The following CFAP299 variants were observed in gnomAD, a reference collection of about 807,000 sequenced individuals.
CFAP299 encodes cilia- and flagella-associated protein 299.
A neutral mutation model predicts 27.0 loss-of-function variants in CFAP299; 21 were observed. The ratio of observed to expected loss-of-function variants is 0.78; its 90% CI spans 0.55 to 1.12. CFAP299 has a LOEUF of 1.12. Ranked by LOEUF, CFAP299 falls within the 50% of genes most tolerant of loss-of-function variation. The pLI is 0.00. For synonymous variants in CFAP299, 104 were observed against 98.1 expected, an observed-to-expected ratio of 1.06 and a Z score of -0.36; for missense variants, 310 against 276.6, an observed-to-expected ratio of 1.12 and a Z score of -0.86.
intron 3 of CFAP299, among the ~76,000 whole-genome samples, chr4:80,715,627 C>T (rs1722435149): frequency 6.6e-6 from 1 of 151,920 alleles, no homozygotes; most frequent in African/African-American, 2.4e-5. Flanking sequence ...ATGGCATATG[C>T]TTTTTAGAAA....
intron 2 of CFAP299, among the ~76,000 whole-genome samples, chr4:80,550,699 G>A (rs62303535): frequency 6.6e-6 from 1 of 151,596 alleles, no homozygotes; most frequent in Non-Finnish European, 1.5e-5. Context: ...GTGATTCAGG[G>A]AGTAGCTATA....
At chr4:80,477,197 G>T (rs1228256681) in intron 2 of CFAP299, among the ~76,000 whole-genome samples, 1 of 152,026 alleles carries the variant, frequency 6.6e-6, no homozygotes, top group Non-Finnish European at 1.5e-5. Flanking sequence ...AAGTAGTTGG[G>T]ACTACAGGCA....
At chr4:80,664,332 G>T (rs1166493222) in intron 3 of CFAP299, among the ~76,000 whole-genome samples, 1 of 152,114 alleles carries the variant, frequency 6.6e-6, no homozygotes, top group Non-Finnish European at 1.5e-5. Context: ...TGCTGAAGCT[G>T]CACCCATGGA....
At position 80,586,172 on chromosome 4, in the gene CFAP299, A is replaced by G. The variant is rs1736426993; in HGVS notation, c.333+2989A>G. Reference sequence around the variant, plus strand: ...TTCTTTGTAAGGTGGGAATTAAAAGAGTAACCTCATCTTAATATTTATTAT... The same window carrying G: ...TTCTTTGTAAGGTGGGAATTAAAAGGGTAACCTCATCTTAATATTTATTAT... On this transcript the variant is annotated intron_variant, in intron 3 of 5. Coordinates refer to ENST00000358105, the MANE Select transcript of CFAP299 (RefSeq NM_152770.3). Among the ~76,000 whole-genome samples, 3 of 152,242 alleles carry G rather than the reference A, an allele frequency of 2.0e-5. No homozygotes were observed. The South Asian group carries it at 6.2e-4, about 32-fold the overall frequency.
chr4:80,524,109 A>T (rs1733054097), intron 2 of CFAP299, among the ~76,000 whole-genome samples: 1 of 152,166 alleles, frequency 6.6e-6, no homozygotes, highest in Admixed American at 6.6e-5. Context: ...TGAAGTACTC[A>T]AACTTTATAT....
At chr4:80,470,117 G>A (rs754709142) in intron 2 of CFAP299, among the ~76,000 whole-genome samples, 4 of 152,040 alleles carry the variant, frequency 2.6e-5, no homozygotes, top group Non-Finnish European at 4.4e-5. Flanking sequence ...GTACCACAGA[G>A]TAGTGAAGAA....
intron 3 of CFAP299, among the ~76,000 whole-genome samples, chr4:80,676,036 A>G (rs1230067784): frequency 6.6e-6 from 1 of 151,002 alleles, no homozygotes; most frequent in Non-Finnish European, 1.5e-5. Context: ...CTCACCCTCC[A>G]TGGGCTGCAC....
intron 3 of CFAP299, among the ~76,000 whole-genome samples, chr4:80,740,818 A>G (rs999304019): frequency 1.3e-5 from 2 of 152,030 alleles, no homozygotes; most frequent in Non-Finnish European, 2.9e-5. Flanking sequence ...CCTGGTGGTC[A>G]TTACCACCAC....
chr4:80,920,799 G>A (rs913259651), intron 4 of CFAP299, among the ~76,000 whole-genome samples: 1 of 151,950 alleles, frequency 6.6e-6, no homozygotes, highest in Non-Finnish European at 1.5e-5. Flanking sequence ...GTTCAGATGT[G>A]GATAAAGTAA....
At chr4:80,643,046 C>T (rs748574510) in intron 3 of CFAP299, among the ~76,000 whole-genome samples, 3 of 151,542 alleles carry the variant, frequency 2.0e-5, no homozygotes. Flanking sequence ...CCTGTAATCC[C>T]AGCACTTTGG....
At chr4:80,523,549 A>G (rs1733023894) in intron 2 of CFAP299, among the ~76,000 whole-genome samples, 1 of 152,128 alleles carries the variant, frequency 6.6e-6, no homozygotes, top group African/African-American at 2.4e-5. Flanking sequence ...CAGTAGACTC[A>G]GTAAGGAAGA....
At chr4:80,739,912 T>A (rs916775667) in intron 3 of CFAP299, among the ~76,000 whole-genome samples, 25 of 152,212 alleles carry the variant, frequency 1.6e-4, no homozygotes, top group Admixed American at 1.5e-3. Context: ...ATTCAAGCTA[T>A]TTTTCTCTTC....
At chr4:80,566,775 T>C (rs1735314059) in intron 2 of CFAP299, among the ~76,000 whole-genome samples, 1 of 152,106 alleles carries the variant, frequency 6.6e-6, no homozygotes, top group African/African-American at 2.4e-5. Context: ...ATAAAAGATG[T>C]AGCTGCCTCC....
intron 3 of CFAP299, among the ~76,000 whole-genome samples, chr4:80,643,968 T>C (rs1454435497): frequency 6.6e-6 from 1 of 152,214 alleles, no homozygotes; most frequent in Non-Finnish European, 1.5e-5. Flanking sequence ...TTCTACATTA[T>C]GTGAATTCTA....
intron 2 of CFAP299, among the ~76,000 whole-genome samples, chr4:80,551,385 G>T (rs1413652095): frequency 6.6e-6 from 1 of 152,052 alleles, no homozygotes; most frequent in Non-Finnish European, 1.5e-5. Flanking sequence ...ATTGTTTCTT[G>T]TAAAGGATAG....
At position 80,873,443 on chromosome 4, in the gene CFAP299, T is replaced by C. The variant is rs557981310; in HGVS notation, c.476+3308T>C. Among the ~76,000 whole-genome samples the C allele has an allele frequency of 3.3e-5, 5 of 152,296 alleles. No homozygotes were observed. The South Asian group carries it at 1.0e-3, about 32-fold the overall frequency. ...TTTTCAATTCAGCTTCCATCTTAACTATGTCTTTAAGATTCAGTACTTTCT... is the reference window on the plus strand; with the variant it reads ...TTTTCAATTCAGCTTCCATCTTAACCATGTCTTTAAGATTCAGTACTTTCT... On this transcript the variant is annotated intron_variant, in intron 4 of 5. Coordinates refer to ENST00000358105, the MANE Select transcript of CFAP299 (RefSeq NM_152770.3).
chr4:80,440,087 G>T (rs903755159), intron 2 of CFAP299, among the ~76,000 whole-genome samples: 2 of 152,158 alleles, frequency 1.3e-5, no homozygotes, highest in Non-Finnish European at 2.9e-5. Context: ...ATCTCCCTGG[G>T]ACAGAGCACC....
intron 4 of CFAP299, among the ~76,000 whole-genome samples, chr4:80,944,275 A>T (rs1294060477): frequency 1.3e-5 from 2 of 152,086 alleles, no homozygotes; most frequent in African/African-American, 4.8e-5. Flanking sequence ...GAGCAACTTC[A>T]TATGGGGGTT....
At position 80,763,453 on chromosome 4, in the gene CFAP299, G is replaced by A. The variant is rs553275263; in HGVS notation, c.334-106540G>A. Among the ~76,000 whole-genome samples, 420 of 152,194 alleles carry A rather than the reference G, an allele frequency of 2.8e-3. 3 individuals carry two copies. Among genetic ancestry groups the A allele is most frequent in the Middle Eastern group, 6.8e-3 (2 of 294 alleles). The stretch of plus-strand genomic sequence containing the variant: ...CAAACCACCTCCCAAGGAAATAAGA[G>A]AGGACATAAACAAATGGAAAAACAT... On this transcript the variant is annotated intron_variant, in intron 3 of 5. Coordinates refer to ENST00000358105, the MANE Select transcript of CFAP299 (RefSeq NM_152770.3).
Sources: allele counts gnomAD v4.1 joint callset (sites outside exome capture counted in the v4.1 genomes callset), GRCh38; gene constraint gnomAD v4.1.1; transcripts MANE v1.5; gene names NCBI Gene and HGNC (gene_info 2026-07-23, HGNC 2026-07-21).